Variants in RNF130 observed in about 807,000 individuals in gnomAD.
RNF130 encodes the protein ring finger protein 130, also known as E3 ubiquitin-protein ligase RNF130.
RNF130 carries 21 observed loss-of-function variants against 44.6 expected under a neutral mutation model. The observed-to-expected ratio is 0.47, with a 90% CI of 0.33 to 0.68. The LOEUF (loss-of-function observed/expected upper bound fraction) is 0.68, where lower values mean the gene tolerates loss of function less well. Among genes scored for constraint, RNF130 ranks in the 30% least tolerant of loss-of-function variants. The pLI is 0.02. For synonymous variants in RNF130, 214 were observed against 210.4 expected, an observed-to-expected ratio of 1.02 and a Z score of -0.15; for missense variants, 479 against 560.6, an observed-to-expected ratio of 0.85 and a Z score of 1.47.
chr5:180,031,808 A>G (rs1764136482), intron 2 of RNF130, among the ~76,000 whole-genome samples: 2 of 152,180 alleles, frequency 1.3e-5, no homozygotes, highest in Non-Finnish European at 2.9e-5. Flanking sequence ...TTTATGTTCA[A>G]TGTTTAAATA....
intron 1 of RNF130, among the ~76,000 whole-genome samples, chr5:180,046,017 G>A (rs894042505): frequency 6.6e-5 from 10 of 152,302 alleles, no homozygotes; most frequent in South Asian, 4.1e-4. Flanking sequence ...AGCGCTCGCC[G>A]GGGAGGCTCC....
chr5:179,944,927 CA>C (rs1762016151), intron 7 of RNF130, among the ~76,000 whole-genome samples: 1 of 152,086 alleles, frequency 6.6e-6, no homozygotes, highest in Non-Finnish European at 1.5e-5. Flanking sequence ...TCACACGTGG[CA>C]AAGCTTTATT....
rs1431986255 is a variant in RNF130 at position 179,993,385 on chromosome 5, G to A, written c.694-13185C>T. Among the ~76,000 whole-genome samples the A allele has an allele frequency of 2.0e-5, 3 of 152,308 alleles. No homozygotes were observed. In the East Asian group the frequency reaches 5.8e-4, roughly 29 times the overall value. On this transcript the variant is annotated intron_variant, in intron 3 of 8. Transcript: ENST00000521389. The stretch of plus-strand genomic sequence containing the variant: ...TTTCTCCACATCCTCTCCAGCACCT[G>A]TTGTTTCCTAACTTTTTAACAATCA...
rs978724282 is a variant in RNF130 at position 180,036,862 on chromosome 5, T to C, written c.442+3591A>G. Among the ~76,000 whole-genome samples, 7 of 152,350 alleles carry C rather than the reference T, an allele frequency of 4.6e-5. No individual in the cohort carries two copies. The East Asian group carries it at 5.8e-4, about 13-fold the overall frequency. ...ACTCAGCTTAAGAAATAAAACATTATAGATACATTTACTTCTCTCTGATCC... is the reference window on the plus strand; with the variant it reads ...ACTCAGCTTAAGAAATAAAACATTACAGATACATTTACTTCTCTCTGATCC... On this transcript the variant is annotated intron_variant, in intron 2 of 8. Coordinates refer to ENST00000521389, the MANE Select transcript of RNF130 (RefSeq NM_018434.6).
Position 180,071,475 on chromosome 5 carries a change from C to A in RNF130, c.228G>T (p.Ala76=). 1 of 1,248,218 alleles carries A rather than the reference C, an allele frequency of 8.0e-7. No individual in the cohort carries two copies. The highest frequency in any genetic ancestry group is 1.5e-5 in the African/African-American group (1 of 64,604). 77.3% of individuals were successfully genotyped at this position (1,248,218 alleles called of 1,614,324 possible). A position where few individuals can be genotyped will look rare whatever the true frequency, so the allele number is the denominator to read the frequency against. ...PKAEVRGQVL[A]PLPLHGVADH... Reference sequence around the variant, plus strand: ...ACTCACCTCCGTGGAGGGGCAGCGGCGCCAGCACCTGGCCGCGGACCTCGG... The same window carrying A: ...ACTCACCTCCGTGGAGGGGCAGCGGAGCCAGCACCTGGCCGCGGACCTCGG... Residue 76 remains alanine, a synonymous_variant, in exon 1 of 9, where the codon GCG becomes GCT. Coordinates refer to ENST00000521389, the MANE Select transcript of RNF130 (RefSeq NM_018434.6).
At position 180,018,751 on chromosome 5, in the gene RNF130, T is replaced by C. The variant is rs115801894; in HGVS notation, c.443-5440A>G. On this transcript the variant is annotated intron_variant, in intron 2 of 8. Transcript: ENST00000521389. ...GCTCAGAAAATGCCCAGGGATCTGC[T>C]GACCAACACAGTCCTGCCAGCTACA... Among the ~76,000 whole-genome samples, 1,492 of 152,340 alleles carry C rather than the reference T, an allele frequency of 9.8e-3. 21 individuals are homozygous for C. The highest frequency in any genetic ancestry group is 0.034 in the African/African-American group (1,407 of 41,574).
At chr5:179,973,448 C>T (rs1341983691) in intron 5 of RNF130, among the ~76,000 whole-genome samples, 1 of 152,220 alleles carries the variant, frequency 6.6e-6, no homozygotes, top group East Asian at 1.9e-4. Flanking sequence ...CAGTCTGGTG[C>T]TCGGCAAACC....
chr5:180,050,249 T>G (rs1764657024), intron 1 of RNF130, among the ~76,000 whole-genome samples: 1 of 152,300 alleles, frequency 6.6e-6, no homozygotes, highest in Admixed American at 6.5e-5. Context: ...GCTGGCAGGC[T>G]GGAGACCCAG....
chr5:179,938,983 C>G (rs1409982781), intron 7 of RNF130, among the ~76,000 whole-genome samples: 1 of 152,148 alleles, frequency 6.6e-6, no homozygotes, highest in Non-Finnish European at 1.5e-5. Flanking sequence ...ATGCCCAAAA[C>G]TTTGCGAGGC....
intron 8 of RNF130, among the ~76,000 whole-genome samples, chr5:179,957,201 C>T (rs538449958): frequency 6.6e-6 from 1 of 152,288 alleles, no homozygotes; most frequent in South Asian, 2.1e-4. Context: ...CACCTGAGGT[C>T]AGGAGTTTGA....
intron 3 of RNF130, among the ~76,000 whole-genome samples, chr5:179,993,001 T>G (rs1329001854): frequency 6.6e-6 from 1 of 152,228 alleles, no homozygotes; most frequent in African/African-American, 2.4e-5. Flanking sequence ...TGCAATAGTT[T>G]GCTGAGAATG....
chr5:180,013,649 A>G (rs996831592), intron 2 of RNF130, among the ~76,000 whole-genome samples: 3 of 152,218 alleles, frequency 2.0e-5, no homozygotes, highest in African/African-American at 7.2e-5. Flanking sequence ...TTATACAGCA[A>G]GAGAAGTGTA....
chr5:180,056,567 A>G (rs1215419936), intron 1 of RNF130, among the ~76,000 whole-genome samples: 1 of 152,190 alleles, frequency 6.6e-6, no homozygotes, highest in Non-Finnish European at 1.5e-5. Flanking sequence ...CAGACAGCAA[A>G]CACTAGAGGA....
chr5:179,926,876 G>C (rs961846853), intron 7 of RNF130, among the ~76,000 whole-genome samples: 28 of 152,214 alleles, frequency 1.8e-4, no homozygotes, highest in African/African-American at 6.7e-4. Flanking sequence ...GACAGCGTTG[G>C]AACTGAATTG....
At chr5:179,943,618 T>G (rs1466417038) in intron 7 of RNF130, among the ~76,000 whole-genome samples, 1 of 152,194 alleles carries the variant, frequency 6.6e-6, no homozygotes, top group East Asian at 1.9e-4. Flanking sequence ...GTGTCATTAT[T>G]TCATACACAG....
intron 2 of RNF130, among the ~76,000 whole-genome samples, chr5:180,034,707 C>T (rs1414230397): frequency 2.0e-5 from 3 of 152,178 alleles, no homozygotes; most frequent in African/African-American, 7.2e-5. Flanking sequence ...CATCTGGGAA[C>T]ATGGGTTTGG....
At chr5:180,011,930 A>G (rs1234585808) in intron 3 of RNF130, among the ~76,000 whole-genome samples, 1 of 152,228 alleles carries the variant, frequency 6.6e-6, no homozygotes, top group African/African-American at 2.4e-5. Flanking sequence ...TTCAAAATAA[A>G]AAAAATTAAA....
chr5:180,057,080 C>G (rs540078889), intron 1 of RNF130, among the ~76,000 whole-genome samples: 1 of 152,314 alleles, frequency 6.6e-6, no homozygotes, highest in Non-Finnish European at 1.5e-5. Flanking sequence ...TTCAACCATA[C>G]CAGCGTCTGT....
intron 3 of RNF130, 65 bp from the exon 4 acceptor site, chr5:179,980,265 T>C (rs1762802504): frequency 6.9e-7 from 1 of 1,454,524 alleles, no homozygotes; most frequent in Non-Finnish European, 9.7e-7. Context: ...ACTTTATTTT[T>C]AAGCAATTAA....
Sources: gnomAD v4.1 joint callset for allele counts (sites outside exome capture counted in the v4.1 genomes callset) on GRCh38, gnomAD v4.1.1 for gene constraint, MANE v1.5 for transcripts, NCBI Gene and HGNC (gene_info 2026-07-23, HGNC 2026-07-21) for gene names.